The following COBLL1 variants were observed in gnomAD, a reference collection of about 807,000 sequenced individuals.
COBLL1 encodes cordon-bleu protein-like 1.
COBLL1 carries 50 observed loss-of-function variants against 94.8 expected under a neutral mutation model. The ratio of observed to expected loss-of-function variants is 0.53; its 90% CI spans 0.42 to 0.67. The LOEUF (loss-of-function observed/expected upper bound fraction) is 0.67, where lower values mean the gene tolerates loss of function less well. COBLL1 is among the 30% of genes least tolerant of loss of function. COBLL1 has a pLI of 0.00. For missense variants in COBLL1, 1,362 were observed against 1,348.7 expected, an observed-to-expected ratio of 1.01 and a Z score of -0.15; for synonymous variants, 448 against 473.8, an observed-to-expected ratio of 0.95 and a Z score of 0.71.
intron 13 of COBLL1, chr2:164,687,300 C>T (rs981730325): frequency 4.0e-5 from 25 of 630,756 alleles, no homozygotes; most frequent in African/African-American, 9.0e-5. Context: ...GTGCAGGGCC[C>T]GGCACTTGTC....
chr2:164,769,797 C>G (rs536105668), intron 2 of COBLL1, among the ~76,000 whole-genome samples: 5 of 152,252 alleles, frequency 3.3e-5, no homozygotes, highest in Non-Finnish European at 5.9e-5. Context: ...ATACCCCCCC[C>G]AGAGCAAGCA....
At chr2:164,689,912 C>G (rs59223013) in intron 13 of COBLL1, among the ~76,000 whole-genome samples, 3 of 152,052 alleles carry the variant, frequency 2.0e-5, no homozygotes, top group Non-Finnish European at 4.4e-5. Flanking sequence ...AAATAACTGC[C>G]ACTTATGCAT....
chr2:164,826,828 T>G (rs1685450854), intron 2 of COBLL1, among the ~76,000 whole-genome samples: 1 of 152,218 alleles, frequency 6.6e-6, no homozygotes. Flanking sequence ...TAGGCTTACT[T>G]AAAATGTTTT....
intron 2 of COBLL1, among the ~76,000 whole-genome samples, chr2:164,763,455 A>G (rs150766107): frequency 6.6e-6 from 1 of 152,324 alleles, no homozygotes; most frequent in Admixed American, 6.5e-5. Flanking sequence ...ATACGTAGTT[A>G]CCCTTTGGCC....
intron 3 of COBLL1, among the ~76,000 whole-genome samples, chr2:164,738,517 T>C (rs1686428830): frequency 6.6e-6 from 1 of 152,206 alleles, no homozygotes; most frequent in Non-Finnish European, 1.5e-5. Context: ...GCTTATGCTG[T>C]TGTGAAGTAT....
chr2:164,705,181 C>T (rs1314591049), intron 7 of COBLL1, 76 bp from the exon 8 acceptor site: 18 of 1,186,706 alleles, frequency 1.5e-5, no homozygotes, highest in African/African-American at 1.1e-4. Context: ...CTGAACTTTA[C>T]GTCAAGCACA....
intron 2 of COBLL1, among the ~76,000 whole-genome samples, chr2:164,664,907 T>C (rs1162858718): frequency 1.3e-5 from 2 of 151,598 alleles, no homozygotes; most frequent in African/African-American, 2.4e-5. Context: ...AACTGAAAAA[T>C]GAAAGTGTGG....
At chr2:164,721,688 C>G (rs1393950624) in intron 7 of COBLL1, 1 of 153,438 alleles carries the variant, frequency 6.5e-6, no homozygotes, top group Non-Finnish European at 1.4e-5. Context: ...AACTCAAAGA[C>G]TGTGTTACTG....
intron 2 of COBLL1, among the ~76,000 whole-genome samples, chr2:164,821,795 G>T (rs1211511990): frequency 2.6e-5 from 4 of 152,114 alleles, no homozygotes. Context: ...TGCTTTCCGA[G>T]AATCATATTC....
chr2:164,703,489 G>A lies in COBLL1; in HGVS notation c.1225+955C>T, dbSNP rs987164401. ...TATTATTCAATACATTTCCTTTGTG[G>A]AAAAAAATGGTGCCATTTATATTAT... On this transcript the variant is annotated intron_variant, in intron 9 of 13. Coordinates refer to ENST00000652658, the MANE Select transcript of COBLL1 (RefSeq NM_001365672.2). The A allele has an allele frequency of 3.2e-5, 13 of 400,744 alleles. 2 individuals are homozygous for A. Among genetic ancestry groups the A allele is most frequent in the South Asian group, 2.2e-4 (9 of 40,812 alleles). The allele number at this position is 400,744 out of a possible 1,614,324, so 24.8% of individuals were successfully genotyped here.
Position 164,804,013 on chromosome 2 carries a change from G to A in COBLL1, c.41+37143C>T, listed in dbSNP as rs151107794. Among the ~76,000 whole-genome samples the A allele has an allele frequency of 1.6e-3, 245 of 150,422 alleles. 1 individual carries two copies. Among genetic ancestry groups the A allele is most frequent in the African/African-American group, 5.7e-3 (235 of 40,890 alleles). ...CCTCTAGATACTGGTGAGAGGCAGA[G>A]AGAAGTATCTTTCAGGAACAGGGAT... On this transcript the variant is annotated intron_variant, in intron 2 of 13. Transcript: ENST00000652658.
At chr2:164,838,210 T>C (rs1683414290) in intron 2 of COBLL1, among the ~76,000 whole-genome samples, 1 of 152,156 alleles carries the variant, frequency 6.6e-6, no homozygotes, top group South Asian at 2.1e-4. Context: ...ACCCAACCCA[T>C]ATAATTCACA....
In COBLL1 at chr2:164,789,020, A is replaced by AACAC. The variant is rs56773751; in HGVS notation, c.42-45149_42-45146dup. On this transcript the variant is annotated intron_variant, in intron 2 of 13. Transcript: ENST00000652658. ...GATTACCTGTAGGAGTAGAGGTTTA[A>AACAC]ACACACACACACACACACACACACA... 4.5e-3 allele frequency among the ~76,000 whole-genome samples: 641 copies of AACAC among 141,644 alleles called. 5 individuals are homozygous for AACAC. The highest frequency in any genetic ancestry group is 8.6e-3 in the South Asian group (37 of 4,318). 92.9% of individuals were successfully genotyped at this position (141,644 alleles called of 152,430 possible). A position where few individuals can be genotyped will look rare whatever the true frequency, so the allele number is the denominator to read the frequency against.
At chr2:164,718,882 C>A (rs753474212) in intron 7 of COBLL1, among the ~76,000 whole-genome samples, 32 of 151,792 alleles carry the variant, frequency 2.1e-4, no homozygotes, top group Non-Finnish European at 3.4e-4. Context: ...TAAGTCAAAT[C>A]TTCTGGTTAG....
Position 164,694,723 on chromosome 2 carries a change from G to A in COBLL1, c.2669C>T (p.Ala890Val). ...VTSAAAKSVH[A>V]APNPAPKELT... Reference sequence around the variant, plus strand: ...TTCTTTTGGAGCAGGATTAGGGGCAGCATGGACACTCTTGGCAGCTGCAGA... The same window carrying A: ...TTCTTTTGGAGCAGGATTAGGGGCAACATGGACACTCTTGGCAGCTGCAGA... The change falls in exon 12 of 14, where the codon GCT becomes GTT. Residue 890 changes from alanine (A) to valine (V), a missense_variant. Ala to Val is a moderately conservative substitution (Grantham distance 64). Coordinates refer to ENST00000652658, the MANE Select transcript of COBLL1 (RefSeq NM_001365672.2). The A allele has an allele frequency of 6.2e-7, 1 of 1,613,828 alleles. No homozygotes were observed. The highest frequency in any genetic ancestry group is 8.5e-7 in the Non-Finnish European group (1 of 1,179,950).
Position 164,834,091 on chromosome 2 carries a change from TA to T in COBLL1, c.41+7064del, listed in dbSNP as rs970445739. Among the ~76,000 whole-genome samples, 14 of 151,948 alleles carry T rather than the reference TA, an allele frequency of 9.2e-5. No homozygotes were observed. The East Asian group carries it at 1.7e-3, about 19-fold the overall frequency. On this transcript the variant is annotated intron_variant, in intron 2 of 13. Transcript: ENST00000652658. ...GAAAAAATTTAGCACAGCAAAGTCA[TA>T]AAAAAAAGTCTCATAACAACTATCA...
At chr2:164,797,201 G>C (rs1260218356) in intron 2 of COBLL1, among the ~76,000 whole-genome samples, 1 of 152,168 alleles carries the variant, frequency 6.6e-6, no homozygotes, top group African/African-American at 2.4e-5. Flanking sequence ...TCATGTGCAA[G>C]CATTACCACA....
At chr2:164,713,567 A>C (rs1685015985) in intron 7 of COBLL1, among the ~76,000 whole-genome samples, 1 of 152,160 alleles carries the variant, frequency 6.6e-6, no homozygotes, top group Non-Finnish European at 1.5e-5. Flanking sequence ...CTGAGTGGCC[A>C]AGCTTGCCAC....
chr2:164,722,580 G>T (rs1685510439), intron 5 of COBLL1, 58 bp from the exon 6 acceptor site: 2 of 938,842 alleles, frequency 2.1e-6, no homozygotes, highest in East Asian at 2.6e-5. Context: ...TCACTTCCAA[G>T]ATTTCTTTCT....
Sources: allele counts gnomAD v4.1 joint callset (sites outside exome capture counted in the v4.1 genomes callset), GRCh38; gene constraint gnomAD v4.1.1; transcripts MANE v1.5; gene names NCBI Gene and HGNC (gene_info 2026-07-23, HGNC 2026-07-21).